The following MCF2L variants were observed in gnomAD, a reference collection of about 807,000 sequenced individuals.
The protein encoded by MCF2L is guanine nucleotide exchange factor DBS.
In MCF2L, 97 loss-of-function variants were observed where a neutral mutation model predicts 153.4. That is an observed-to-expected ratio of 0.63 (90% CI 0.54 to 0.75). MCF2L has a LOEUF of 0.75. Among genes scored for constraint, MCF2L ranks in the 30% least tolerant of loss-of-function variants. The pLI is 0.00. For missense variants in MCF2L, 1,347 were observed against 1,495.2 expected (o/e 0.90, Z 1.64); for synonymous variants, 659 against 632.2 (o/e 1.04, Z -0.64).
intron 4 of MCF2L, among the ~76,000 whole-genome samples, chr13:113,056,575 C>T (rs1248702719): frequency 4.0e-5 from 3 of 75,464 alleles, no homozygotes; most frequent in South Asian, 4.7e-4. Flanking sequence ...TGAGTGTTTG[C>T]GTGCTGTGTG....
intron 14 of MCF2L, 82 bp downstream of exon 14, chr13:113,078,518 C>A (rs576309163): frequency 2.6e-5 from 37 of 1,401,556 alleles, no homozygotes; most frequent in East Asian, 4.8e-5. Flanking sequence ...GTGGCCCCCC[C>A]TCCCGGGCAC....
At chr13:112,899,835 C>T (rs911741632) in intron 1 of MCF2L, among the ~76,000 whole-genome samples, 21 of 152,242 alleles carry the variant, frequency 1.4e-4, no homozygotes, top group Admixed American at 1.3e-4. Flanking sequence ...CTGCAGCCTT[C>T]ACTGGGTAAA....
rs192510940 is a variant in MCF2L at position 112,897,030 on chromosome 13, A to G, written c.-5+2599A>G. ...TGAGAGGAGGCCAGGCCGGCAGAGC[A>G]CAGGGCCCCAGCTCGGAGTGCGGGT... On this transcript the variant is annotated intron_variant, in intron 1 of 29. Transcript: ENST00000375608. Among the ~76,000 whole-genome samples, 660 of 152,266 alleles carry G rather than the reference A, an allele frequency of 4.3e-3. 7 individuals are homozygous for G. The highest frequency in any genetic ancestry group is 0.032 in the Admixed American group (489 of 15,296).
In MCF2L at chr13:113,074,557, A is replaced by T. The variant is rs779923137; in HGVS notation, c.1110A>T (p.Lys370Asn). 1 of 1,613,642 alleles carries T rather than the reference A, an allele frequency of 6.2e-7. No homozygotes were observed. Among genetic ancestry groups the T allele is most frequent in the East Asian group, 2.2e-5 (1 of 44,876 alleles). ...LLRDLASFEE[K>N]SGVAVERARA... Reference sequence around the variant, plus strand: ...GGGACCTGGCCAGCTTCGAGGAGAAATCAGGCGTAAGGCGGGGTCCCGGCG... The same window carrying T: ...GGGACCTGGCCAGCTTCGAGGAGAATTCAGGCGTAAGGCGGGGTCCCGGCG... Residue 370 changes from lysine (K) to asparagine (N), a missense_variant, in exon 10 of 30, where the codon AAA (lysine) becomes AAT (asparagine). Around this residue, in one of 3 missense-constraint regions of MCF2L, gnomAD observed 820 missense variants for 921.2 expected, o/e 0.89. Coordinates refer to ENST00000535094, the MANE Select transcript of MCF2L (RefSeq NM_001112732.3). This position sits in a 1 kb window ranked among gnomAD's most constrained non-coding sequence, Gnocchi z 4.2.
intron 4 of MCF2L, among the ~76,000 whole-genome samples, chr13:113,051,309 C>G (rs114600704): frequency 0.012 from 1,897 of 152,332 alleles, 35 homozygotes; most frequent in African/African-American, 0.042. Context: ...GCCTTTCTGT[C>G]TCTGAAGCCC....
At chr13:113,015,410 C>T (rs1179207677) in intron 2 of MCF2L, among the ~76,000 whole-genome samples, 1 of 152,204 alleles carries the variant, frequency 6.6e-6, no homozygotes, top group East Asian at 1.9e-4. Flanking sequence ...AAACACCATG[C>T]ACATGCATGC....
At position 113,090,446 on chromosome 13, in the gene MCF2L, C is replaced by CCCCGCCTTCT. The variant is rs1226425931; in HGVS notation, c.2953+730_2953+739dup. ...CCTCCTTCCTCTCCCTGCCCCCCACCCCCGCCTTCTCCCGCCTTCTCAGGT... is the reference window on the plus strand; with the variant it reads ...CCTCCTTCCTCTCCCTGCCCCCCACCCCCGCCTTCTCCCGCCTTCTCCCGCCTTCTCAGGT... On this transcript the variant is annotated intron_variant, in intron 26 of 29. Coordinates refer to ENST00000535094, the MANE Select transcript of MCF2L (RefSeq NM_001112732.3). The CCCCGCCTTCT allele has an allele frequency of 1.9e-4, 187 of 983,782 alleles. No individual in the cohort carries two copies. The Middle Eastern group carries it at 2.1e-3, about 11-fold the overall frequency. 60.9% of individuals were successfully genotyped at this position (983,782 alleles called of 1,614,324 possible).
upstream of MCF2L, chr13:112,968,591 G>T: frequency 2.6e-6 from 4 of 1,537,670 alleles, no homozygotes; most frequent in Non-Finnish European, 3.5e-6. Flanking sequence ...ACCCACGCAT[G>T]GACCCAGCGA....
At chr13:112,898,645 C>G (rs1051757985) in intron 1 of MCF2L, among the ~76,000 whole-genome samples, 4 of 152,158 alleles carry the variant, frequency 2.6e-5, no homozygotes, top group Admixed American at 2.0e-4. Context: ...GCCTCCCCTC[C>G]TCCATTTGCT....
Position 113,045,760 on chromosome 13 carries a change from C to A in MCF2L, c.369+399C>A. ...GACACTGAACGAGCCACCACCGCCTCCCTTCCCCAGTGGGATTGAACATGC... is the reference window on the plus strand; with the variant it reads ...GACACTGAACGAGCCACCACCGCCTACCTTCCCCAGTGGGATTGAACATGC... On this transcript the variant is annotated intron_variant, in intron 4 of 29. Coordinates refer to ENST00000535094, the MANE Select transcript of MCF2L (RefSeq NM_001112732.3). The surrounding 1 kb of genome is among the most constrained non-coding windows in gnomAD (Gnocchi z 4.2). The A allele has an allele frequency of 4.1e-6, 1 of 246,762 alleles. No individual in the cohort carries two copies. Among genetic ancestry groups the A allele is most frequent in the Non-Finnish European group, 8.1e-6 (1 of 123,584 alleles). The allele number at this position is 246,762 out of a possible 1,614,324, so 15.3% of individuals were successfully genotyped here.
At chr13:113,079,841 G>GTGTCC in intron 15 of MCF2L, among the ~76,000 whole-genome samples, 1 of 60,704 alleles carries the variant, frequency 1.6e-5, no homozygotes, top group African/African-American at 5.7e-5. Flanking sequence ...AGGCAGAGGA[G>GTGTCC]AGTCCATACG....
In MCF2L at chr13:112,941,095, C is replaced by A. The variant is rs1007786081; in HGVS notation, c.169+38724C>A. Among the ~76,000 whole-genome samples, 48 of 152,208 alleles carry A rather than the reference C, an allele frequency of 3.2e-4. No homozygotes were observed. The highest frequency in any genetic ancestry group is 1.1e-3 in the African/African-American group (47 of 41,450). On this transcript the variant is annotated intron_variant, in intron 2 of 29. Coordinates refer to the MCF2L transcript ENST00000375608. This position sits in a 1 kb window ranked among gnomAD's most constrained non-coding sequence, Gnocchi z 4.9. ...ACCATAGGGAGCATATTTTTACCATCTTTTCCGCAGGGTCAGAGTGGCCAT... is the reference window on the plus strand; with the variant it reads ...ACCATAGGGAGCATATTTTTACCATATTTTCCGCAGGGTCAGAGTGGCCAT...
At chr13:113,015,579 A>T (rs1027963562) in intron 2 of MCF2L, among the ~76,000 whole-genome samples, 2 of 152,088 alleles carry the variant, frequency 1.3e-5, no homozygotes, top group African/African-American at 2.4e-5. Flanking sequence ...CCGGCCCCCA[A>T]TCCATGGCTG....
chr13:112,901,823 A>C (rs913055324), intron 1 of MCF2L, among the ~76,000 whole-genome samples: 2 of 152,262 alleles, frequency 1.3e-5, no homozygotes, highest in Non-Finnish European at 2.9e-5. Context: ...AAAGTTTGCC[A>C]GTTCGGCGAA....
rs78489437 is a variant in MCF2L at position 112,907,434 on chromosome 13, C to T, written c.169+5063C>T. ...AATCCTCGGTGTTTGTGGCATGGAT[C>T]GTAGTCATGGCTTGGTGGAGAATCC... On this transcript the variant is annotated intron_variant, in intron 2 of 29. Transcript: ENST00000375608. The surrounding 1 kb of genome is among the most constrained non-coding windows in gnomAD (Gnocchi z 5.1). 0.025 allele frequency among the ~76,000 whole-genome samples: 3,799 copies of T among 152,112 alleles called. 77 individuals carry two copies. Among genetic ancestry groups the T allele is most frequent in the South Asian group, 0.048 (230 of 4,798 alleles).
intron 3 of MCF2L, chr13:113,042,564 A>G (rs1468950901): frequency 2.0e-5 from 3 of 152,214 alleles, no homozygotes; most frequent in African/African-American, 7.2e-5. Context: ...ATCCAGTGGC[A>G]TCGGGCGCCT....
intron 2 of MCF2L, chr13:112,916,970 G>T: frequency 2.3e-6 from 1 of 434,258 alleles, no homozygotes; most frequent in Non-Finnish European, 4.8e-6. Context: ...TCCCCACACT[G>T]GTCTGTGTCC....
Position 112,932,236 on chromosome 13 carries a change from C to T in MCF2L, c.169+29865C>T, listed in dbSNP as rs11164128. On this transcript the variant is annotated intron_variant, in intron 2 of 29. Transcript: ENST00000375608. This position sits in a 1 kb window ranked among gnomAD's most constrained non-coding sequence, Gnocchi z 4.6. ...ACTCGTGCCCTGGGTAAGGCGTGAC[C>T]GGGATGGCACTTTACCTCTGTAGTC... Among the ~76,000 whole-genome samples, 33,363 of 150,392 alleles carry T rather than the reference C, an allele frequency of 0.22. 4,339 individuals carry two copies. The highest frequency in any genetic ancestry group is 0.37 in the African/African-American group (15,050 of 41,010).
rs894370653 is a variant in MCF2L, at chr13:113,035,490, T to C, written c.279-9781T>C. Among the ~76,000 whole-genome samples, 7 of 152,206 alleles carry C rather than the reference T, an allele frequency of 4.6e-5. No homozygotes were observed. The highest frequency in any genetic ancestry group is 1.4e-4 in the African/African-American group (6 of 41,460). ...TTTCCGCCTCAAACCCCCTCTGCGA[T>C]GTGCAGCTCTGGGTGTCTGATCCCT... On this transcript the variant is annotated intron_variant, in intron 3 of 29. Transcript: ENST00000535094. This position sits in a 1 kb window ranked among gnomAD's most constrained non-coding sequence, Gnocchi z 4.4.
Sources: gnomAD v4.1 joint callset for allele counts (sites outside exome capture counted in the v4.1 genomes callset) on GRCh38, gnomAD v4.1.1 for gene constraint, gnomAD v4.1.1 regional missense constraint, Gnocchi (gnomAD v3.1) non-coding constraint, MANE v1.5 for transcripts, NCBI Gene and HGNC (gene_info 2026-07-23, HGNC 2026-07-21) for gene names.